Variants in PHF20 observed in about 807,000 individuals in gnomAD.
PHF20 encodes the protein PHD finger protein 20.
Under a neutral mutation model 113.5 loss-of-function variants are expected in PHF20, and 23 were observed. That is an observed-to-expected ratio of 0.20 (90% CI 0.15 to 0.29). The LOEUF (loss-of-function observed/expected upper bound fraction) is 0.29. Among genes scored for constraint, PHF20 ranks in the 10% least tolerant of loss-of-function variants. The pLI, the probability that PHF20 is intolerant of heterozygous loss-of-function variation, is 1.00. For synonymous variants in PHF20, 434 were observed against 457.3 expected (o/e 0.95, Z 0.65); for missense variants, 943 against 1,219.6 (o/e 0.77, Z 3.38).
chr20:35,858,773 G>T (rs752115923), intron 5 of PHF20, among the ~76,000 whole-genome samples: 2 of 151,996 alleles, frequency 1.3e-5, no homozygotes, highest in African/African-American at 4.8e-5. Flanking sequence ...GGGTTTCACC[G>T]TATTGGTCAG....
At chr20:35,882,643 G>A (rs2054655911) in intron 9 of PHF20, among the ~76,000 whole-genome samples, 1 of 152,226 alleles carries the variant, frequency 6.6e-6, no homozygotes, top group Non-Finnish European at 1.5e-5. Flanking sequence ...GACCATGCTA[G>A]TCTTGAACTC....
At chr20:35,857,672 G>A (rs1015883817) in intron 4 of PHF20, among the ~76,000 whole-genome samples, 5 of 134,598 alleles carry the variant, frequency 3.7e-5, no homozygotes, top group African/African-American at 1.4e-4. Flanking sequence ...TGCAACCTCC[G>A]CCTCCTCAGT....
chr20:35,784,156 C>T (rs536260595), intron 1 of PHF20, among the ~76,000 whole-genome samples: 25 of 149,558 alleles, frequency 1.7e-4, no homozygotes, highest in Non-Finnish European at 1.8e-4. Flanking sequence ...AGGGTTCAAG[C>T]GATTCTCCTG....
At chr20:35,897,238 C>T (rs1188523034) in intron 9 of PHF20, among the ~76,000 whole-genome samples, 1 of 151,790 alleles carries the variant, frequency 6.6e-6, no homozygotes, top group African/African-American at 2.4e-5. Flanking sequence ...TGGGGTCTTG[C>T]TGAGTTGTCT....
chr20:35,856,162 TC>T (rs1357277473), intron 4 of PHF20, among the ~76,000 whole-genome samples: 4 of 152,138 alleles, frequency 2.6e-5, no homozygotes, highest in Non-Finnish European at 4.4e-5. Context: ...CTCCGTAAGT[TC>T]AATTGTTTTA....
intron 2 of PHF20, among the ~76,000 whole-genome samples, chr20:35,811,184 C>A (rs1183976880): frequency 1.3e-5 from 2 of 151,540 alleles, no homozygotes; most frequent in African/African-American, 4.8e-5. Context: ...GTAGCTGGGA[C>A]TACAGGTGTG....
chr20:35,809,439 CATG>C (rs2041939271), intron 2 of PHF20, among the ~76,000 whole-genome samples: 1 of 151,558 alleles, frequency 6.6e-6, no homozygotes, highest in Non-Finnish European at 1.5e-5. Context: ...ATCAGTCAGA[CATG>C]GTGGTGTGCG....
chr20:35,865,513 T>C (rs2054303567), intron 6 of PHF20, among the ~76,000 whole-genome samples: 2 of 132,318 alleles, frequency 1.5e-5, no homozygotes, highest in Non-Finnish European at 1.6e-5. Flanking sequence ...TTTTTTTTTT[T>C]TTTTTTTTTG....
At chr20:35,842,510 A>G (rs776596827) in intron 2 of PHF20, 63 bp from the exon 3 acceptor site, 1 of 1,406,410 alleles carries the variant, frequency 7.1e-7, no homozygotes, top group Non-Finnish European at 9.8e-7. Context: ...ATGTACCATT[A>G]TGGATATTTG....
At chr20:35,944,497 G>T (rs2147137691) in intron 17 of PHF20, among the ~76,000 whole-genome samples, 1 of 152,334 alleles carries the variant, frequency 6.6e-6, no homozygotes, top group East Asian at 1.9e-4. Flanking sequence ...TCTTGCAAAA[G>T]ATTGACTGAC....
intron 14 of PHF20, 39 bp downstream of exon 14, chr20:35,927,918 C>T (rs528648887): frequency 1.4e-6 from 2 of 1,402,012 alleles, no homozygotes; most frequent in African/African-American, 1.4e-5. Context: ...CAGTATGTAG[C>T]CTTTTCCTTG....
Position 35,917,548 on chromosome 20 carries a change from A to G in PHF20, c.1890A>G (p.Gln630=). 1 of 1,614,112 alleles carries G rather than the reference A, an allele frequency of 6.2e-7. No individual in the cohort carries two copies. The highest frequency in any genetic ancestry group is 8.5e-7 in the Non-Finnish European group (1 of 1,179,994). Residue 630 remains glutamine, a synonymous_variant, in exon 13 of 18, where the codon CAA becomes CAG. Coordinates refer to ENST00000374012, the MANE Select transcript of PHF20 (RefSeq NM_016436.5). ...TCTGGAGTGATGATGAGTATGGCCA[A>G]GATGTGGATGTGACCACCAACCCAG... The part of the protein sequence containing the change: ...SFLWSDDEYG[Q]DVDVTTNPDE...
At chr20:35,819,423 C>T (rs1327688599) in intron 2 of PHF20, among the ~76,000 whole-genome samples, 6 of 152,162 alleles carry the variant, frequency 3.9e-5, no homozygotes, top group Non-Finnish European at 5.9e-5. Context: ...TTGCTCCAAA[C>T]ACAACGAAAA....
chr20:35,849,607 C>A, intron 4 of PHF20: 1 of 434,382 alleles, frequency 2.3e-6, no homozygotes, highest in Admixed American at 2.7e-5. Flanking sequence ...TGCTTCATCA[C>A]GATTCACTGT....
At chr20:35,916,254 G>GC (rs2055401675) in intron 12 of PHF20, among the ~76,000 whole-genome samples, 2 of 152,356 alleles carry the variant, frequency 1.3e-5, no homozygotes, top group South Asian at 4.1e-4. Context: ...CAGGGTTGCT[G>GC]CCACACACCT....
At chr20:35,903,019 T>A (rs1008792100) in intron 10 of PHF20, among the ~76,000 whole-genome samples, 2 of 148,486 alleles carry the variant, frequency 1.3e-5, no homozygotes, top group African/African-American at 5.0e-5. Flanking sequence ...CTTTTCTTTT[T>A]TCTTTTTTTT....
At chr20:35,791,868 A>G (rs947571965) in intron 1 of PHF20, among the ~76,000 whole-genome samples, 7 of 152,082 alleles carry the variant, frequency 4.6e-5, no homozygotes. Flanking sequence ...ACACTTGCCA[A>G]TCTTGAGGGC....
intron 9 of PHF20, among the ~76,000 whole-genome samples, chr20:35,897,630 G>A (rs899495368): frequency 3.5e-5 from 5 of 141,844 alleles, no homozygotes; most frequent in South Asian, 4.6e-4. Context: ...GCAGAGGTGC[G>A]ATCTCGGCTC....
rs756688174 is a variant in PHF20, at chr20:35,939,039, G to T, written c.2643G>T (p.Pro881=). The change falls in exon 16 of 18, where the codon CCG becomes CCT. Residue 881 remains proline, a synonymous_variant. Transcript: ENST00000374012. ...AGAACGGCGATGATTCCCTTTCCCC[G>T]CGCCTGGGCTGGCCTCTAGACCAAG... ...LHENGDDSLS[P]RLGWPLDQDR... 6.2e-7 allele frequency: 1 copy of T among 1,614,150 alleles called. No homozygotes were observed. Among genetic ancestry groups the T allele is most frequent in the Admixed American group, 1.7e-5 (1 of 60,024 alleles).
Sources: allele counts gnomAD v4.1 joint callset (sites outside exome capture counted in the v4.1 genomes callset), GRCh38; gene constraint gnomAD v4.1.1; transcripts MANE v1.5; gene names NCBI Gene and HGNC (gene_info 2026-07-23, HGNC 2026-07-21).